PPP6R2: variants seen among roughly 807,000 people sequenced by gnomAD.
PPP6R2 encodes the protein serine/threonine-protein phosphatase 6 regulatory subunit 2.
Under a neutral mutation model 100.2 loss-of-function variants are expected in PPP6R2, and 62 were observed. That is an observed-to-expected ratio of 0.62 (90% CI 0.50 to 0.76). PPP6R2 has a LOEUF of 0.76. PPP6R2 is among the 30% of genes least tolerant of loss of function. PPP6R2 has a pLI of 0.00. For missense variants in PPP6R2, 1,142 were observed against 1,276.3 expected (o/e 0.89, Z 1.60); for synonymous variants, 525 against 514.7 (o/e 1.02, Z -0.27).
intron 3 of PPP6R2, among the ~76,000 whole-genome samples, chr22:50,406,025 G>A (rs1168059282): frequency 2.2e-5 from 3 of 135,720 alleles, no homozygotes; most frequent in African/African-American, 5.5e-5. Flanking sequence ...CTGGAGAGAG[G>A]TGAGAGACCT....
intron 15 of PPP6R2, 130 bp downstream of exon 15, chr22:50,437,198 G>T: frequency 3.3e-6 from 3 of 909,880 alleles, no homozygotes; most frequent in Non-Finnish European, 5.2e-6. Flanking sequence ...CTCCGAGCAC[G>T]TATGGGGCGG....
chr22:50,404,096 T>A (rs956122394), intron 3 of PPP6R2, among the ~76,000 whole-genome samples: 3 of 139,936 alleles, frequency 2.1e-5, no homozygotes, highest in African/African-American at 7.9e-5. Flanking sequence ...TCTATTTTTT[T>A]TTTTTTTTTT....
At chr22:50,432,174 C>T (rs771699221) in intron 11 of PPP6R2, 91 bp from the exon 12 acceptor site, 15 of 1,243,142 alleles carry the variant, frequency 1.2e-5, no homozygotes, top group Non-Finnish European at 1.7e-5. Flanking sequence ...GACGTGGCCG[C>T]CAGCCAGCCC....
At chr22:50,392,853 C>T (rs931484391) in intron 2 of PPP6R2, among the ~76,000 whole-genome samples, 4 of 152,184 alleles carry the variant, frequency 2.6e-5, no homozygotes, top group Non-Finnish European at 5.9e-5. Context: ...ACCGGCTTTA[C>T]AGTCAGACAA....
chr22:50,403,290 G>A (rs972008866), intron 3 of PPP6R2, among the ~76,000 whole-genome samples: 2 of 152,128 alleles, frequency 1.3e-5, no homozygotes, highest in Non-Finnish European at 1.5e-5. Flanking sequence ...GCTTCCTTAC[G>A]TTTGATCTTC....
intron 3 of PPP6R2, among the ~76,000 whole-genome samples, chr22:50,396,212 AAAAG>A (rs2056801672): frequency 7.1e-6 from 1 of 140,852 alleles, no homozygotes; most frequent in Admixed American, 7.2e-5. Flanking sequence ...AAAAAAAAAA[AAAAG>A]CCGGGTGTGG....
In PPP6R2 at chr22:50,444,691, T is replaced by A. The variant is rs1438091951; in HGVS notation, c.*444T>A. 5.2e-6 allele frequency: 1 copy of A among 193,298 alleles called. No homozygotes were observed. The highest frequency in any genetic ancestry group is 1.8e-4 in the East Asian group (1 of 5,666). The allele number at this position is 193,298 out of a possible 1,614,324, so 12.0% of individuals were successfully genotyped here. On this transcript the variant is annotated 3_prime_UTR_variant, in exon 24 of 24. Coordinates refer to ENST00000612753, the MANE Select transcript of PPP6R2 (RefSeq NM_001242898.2). ...AGCTTTTTTGCACTTTGTATCCAGCTGCAAGCTCAGGGCAGAGTCAAGGGC... is the reference window on the plus strand; with the variant it reads ...AGCTTTTTTGCACTTTGTATCCAGCAGCAAGCTCAGGGCAGAGTCAAGGGC...
At chr22:50,353,562 G>T (rs551920014) in intron 1 of PPP6R2, among the ~76,000 whole-genome samples, 188 of 152,226 alleles carry the variant, frequency 1.2e-3, no homozygotes, top group Non-Finnish European at 2.4e-3. Flanking sequence ...AGAATTACCA[G>T]AATGCAACAC....
intron 3 of PPP6R2, among the ~76,000 whole-genome samples, chr22:50,401,228 G>A (rs1378250501): frequency 4.0e-5 from 6 of 151,588 alleles, no homozygotes; most frequent in African/African-American, 1.5e-4. Flanking sequence ...TTTTTTTTGA[G>A]ATGGAGTCTG....
At chr22:50,353,526 A>G (rs1198000333) in intron 1 of PPP6R2, among the ~76,000 whole-genome samples, 1 of 152,208 alleles carries the variant, frequency 6.6e-6, no homozygotes, top group Non-Finnish European at 1.5e-5. Context: ...AGATAAAATA[A>G]TAATGAAAGA....
At chr22:50,359,516 C>T (rs1245653602) in intron 1 of PPP6R2, among the ~76,000 whole-genome samples, 1 of 144,438 alleles carries the variant, frequency 6.9e-6, no homozygotes, top group African/African-American at 2.8e-5. Flanking sequence ...CATGCCCGGC[C>T]TGTGGAGTGT....
At position 50,444,131 on chromosome 22, in the gene PPP6R2, G is replaced by C. The variant is rs756817019; in HGVS notation, c.2831+14G>C. On this transcript the variant is annotated intron_variant, in intron 23 of 23. Coordinates refer to ENST00000612753, the MANE Select transcript of PPP6R2 (RefSeq NM_001242898.2). ...GACAAAGGACGGGTGAGCAGGTTGA[G>C]TGTGGGGGTAGGGGGTGTGGACAGG... 1.2e-6 allele frequency: 2 copies of C among 1,611,710 alleles called. No homozygotes were observed. The highest frequency in any genetic ancestry group is 4.5e-5 in the East Asian group (2 of 44,814).
In PPP6R2 at chr22:50,439,735, G is replaced by A. The variant is rs144734167; in HGVS notation, c.2163G>A (p.Ala721=). The A allele has an allele frequency of 3.3e-5, 53 of 1,611,258 alleles. No individual in the cohort carries two copies. The highest frequency in any genetic ancestry group is 4.4e-5 in the Non-Finnish European group (52 of 1,178,720). Residue 721 remains alanine, a synonymous_variant, in exon 20 of 24, where the codon GCG becomes GCA. Transcript: ENST00000612753. ...GGACGGCAGTGTTTGATGAGCCAGC[G>A]AACTCAACGCCCACAGCCCCAGGAG... The part of the protein sequence containing the change: ...AMWTAVFDEP[A]NSTPTAPGVV...
intron 12 of PPP6R2, among the ~76,000 whole-genome samples, chr22:50,434,122 G>A (rs1287947724): frequency 4.5e-4 from 24 of 53,130 alleles, no homozygotes; most frequent in African/African-American, 1.4e-3. Flanking sequence ...GGCAGGGGCC[G>A]GGCATTTGCT....
intron 3 of PPP6R2, among the ~76,000 whole-genome samples, chr22:50,403,582 C>G (rs773038570): frequency 1.3e-5 from 2 of 152,184 alleles, no homozygotes; most frequent in Non-Finnish European, 1.5e-5. Context: ...AGGGGATGAG[C>G]TTGGGCCTGC....
chr22:50,440,869 G>A lies in PPP6R2; in HGVS notation c.2422G>A (p.Ala808Thr), dbSNP rs1454354782. The change falls in exon 22 of 24, where the codon GCC (alanine) becomes ACC (threonine). Residue 808 changes from alanine to threonine, a missense_variant. Physicochemically the swap from Ala to Thr is moderately conservative, Grantham distance 58. This residue lies in a region of PPP6R2 where 550 missense variants were observed against 517.4 expected (regional missense o/e 1.06). Transcript: ENST00000612753. ...CTGGAACGTGTGTGTCACCAGGAAGGCCCCCCTGCTGGCCTCTGACAGTAG... is the reference window on the plus strand; with the variant it reads ...CTGGAACGTGTGTGTCACCAGGAAGACCCCCCTGCTGGCCTCTGACAGTAG... ...CAWNVCVTRK[A>T]PLLASDSSSS... The A allele has an allele frequency of 1.9e-6, 3 of 1,613,854 alleles. No homozygotes were observed. The highest frequency in any genetic ancestry group is 2.5e-6 in the Non-Finnish European group (3 of 1,180,012).
chr22:50,361,107 C>T (rs143094046), intron 1 of PPP6R2, among the ~76,000 whole-genome samples: 1 of 152,332 alleles, frequency 6.6e-6, no homozygotes, highest in East Asian at 1.9e-4. Context: ...TGCTCTGACC[C>T]TTTCTCAGCT....
intron 1 of PPP6R2, among the ~76,000 whole-genome samples, chr22:50,367,195 G>T (rs1210456359): frequency 6.6e-6 from 1 of 152,070 alleles, no homozygotes; most frequent in Non-Finnish European, 1.5e-5. Flanking sequence ...TGCCTGGACA[G>T]GGGAGCGGGG....
chr22:50,442,407 G>A (rs111557883), intron 22 of PPP6R2, among the ~76,000 whole-genome samples: 6 of 152,228 alleles, frequency 3.9e-5, no homozygotes, highest in East Asian at 1.9e-4. Context: ...TGCAGCAAGT[G>A]GGGGGCACAG....
Sources: gnomAD v4.1 joint callset for allele counts (sites outside exome capture counted in the v4.1 genomes callset) on GRCh38, gnomAD v4.1.1 for gene constraint, gnomAD v4.1.1 regional missense constraint, MANE v1.5 for transcripts, NCBI Gene and HGNC (gene_info 2026-07-23, HGNC 2026-07-21) for gene names.